Variants in P2RY12 observed in about 807,000 individuals in gnomAD.
P2RY12 encodes P2Y purinoceptor 12.
A neutral mutation model predicts 4.5 loss-of-function variants in P2RY12; 3 were observed. The observed-to-expected ratio is 0.67, with a 90% CI of 0.31 to 1.74. P2RY12 has a LOEUF of 1.74. P2RY12 is among the 40% of genes most tolerant of loss of function. The pLI, the probability that P2RY12 is intolerant of heterozygous loss-of-function variation, is 0.09. For synonymous variants in P2RY12, 148 were observed against 154.1 expected (o/e 0.96, Z 0.29); for missense variants, 356 against 407.8 (o/e 0.87, Z 1.09).
chr3:151,380,651 C>T (rs1272527852), intron 1 of P2RY12, among the ~76,000 whole-genome samples: 1 of 151,294 alleles, frequency 6.6e-6, no homozygotes, highest in Non-Finnish European at 1.5e-5. Context: ...TGAGTAGACG[C>T]TGAGAAACAA....
intron 1 of P2RY12, among the ~76,000 whole-genome samples, chr3:151,366,633 T>C (rs902944066): frequency 7.9e-5 from 12 of 152,216 alleles, no homozygotes; most frequent in African/African-American, 2.9e-4. Context: ...GTCTTTGTCG[T>C]ACACTAGTAT....
intron 1 of P2RY12, chr3:151,382,771 C>T: frequency 6.4e-7 from 1 of 1,559,824 alleles, no homozygotes; most frequent in South Asian, 1.1e-5. Context: ...AGTATTTTCC[C>T]TCCATTAAAC....
chr3:151,337,811 A>G lies in P2RY12; in HGVS notation c.*6T>C, dbSNP rs753204818. On this transcript the variant is annotated 3_prime_UTR_variant, in exon 3 of 3. Coordinates refer to ENST00000302632, the MANE Select transcript of P2RY12 (RefSeq NM_022788.5). ...AGAGATTGAAATATTTCCTTAGTTA[A>G]TTTGTTTACATTGGAGTCTCTTCAT... 3.0e-5 allele frequency: 49 copies of G among 1,612,992 alleles called. No homozygotes were observed. Among genetic ancestry groups the G allele is most frequent in the Non-Finnish European group, 4.0e-5 (47 of 1,179,316 alleles).
intron 1 of P2RY12, chr3:151,376,318 A>G: frequency 1.0e-6 from 1 of 960,330 alleles, no homozygotes; most frequent in African/African-American, 1.7e-5. Context: ...TGTGATTTCA[A>G]TTCTGATTTT....
rs1368809794 is a variant in P2RY12, at chr3:151,338,014, A to G, written c.832T>C (p.Tyr278His). ...FDCTAENTLFYVKESTLWLTS... is the reference protein window; with the variant it reads ...FDCTAENTLFHVKESTLWLTS... ...AACCACAGAGTGCTCTCTTTCACAT[A>G]GAACAGAGTATTTTCAGCAGTGCAG... is the stretch of plus-strand genomic sequence containing the variant. Residue 278 changes from tyrosine (Y) to histidine (H), a missense_variant, in exon 3 of 3, where the codon TAT becomes CAT. Tyr to His is a moderately conservative substitution (Grantham distance 83, BLOSUM62 2). Coordinates refer to ENST00000302632, the MANE Select transcript of P2RY12 (RefSeq NM_022788.5). 1.2e-6 allele frequency: 2 copies of G among 1,614,132 alleles called. No individual in the cohort carries two copies. Among genetic ancestry groups the G allele is most frequent in the East Asian group, 2.2e-5 (1 of 44,878 alleles).
chr3:151,352,951 CTA>C (rs1182773042), intron 1 of P2RY12, among the ~76,000 whole-genome samples: 1 of 152,138 alleles, frequency 6.6e-6, no homozygotes, highest in African/African-American at 2.4e-5. Context: ...TATATATTGA[CTA>C]TAATGTTACT....
chr3:151,360,832 C>T (rs1754516541), intron 1 of P2RY12, among the ~76,000 whole-genome samples: 1 of 151,550 alleles, frequency 6.6e-6, no homozygotes, highest in African/African-American at 2.4e-5. Context: ...GGTTTTTTTT[C>T]CCCCAATATT....
At chr3:151,360,441 A>G (rs1024457941) in intron 1 of P2RY12, 9 of 1,600,976 alleles carry the variant, frequency 5.6e-6, no homozygotes, top group African/African-American at 2.7e-5. Flanking sequence ...GTACAAATCT[A>G]TGTCTTATTT....
intron 1 of P2RY12, chr3:151,372,854 G>C: frequency 1.0e-6 from 1 of 956,776 alleles, no homozygotes; most frequent in Non-Finnish European, 1.6e-6. Flanking sequence ...CTTGTGCATA[G>C]GTGGGCCTTT....
chr3:151,345,661 G>C (rs1752446619), intron 1 of P2RY12, among the ~76,000 whole-genome samples: 1 of 151,522 alleles, frequency 6.6e-6, no homozygotes, highest in South Asian at 2.1e-4. Context: ...GAAATTATAG[G>C]CACCTGCCAC....
intron 1 of P2RY12, among the ~76,000 whole-genome samples, chr3:151,349,441 G>T (rs1386007371): frequency 6.6e-6 from 1 of 152,144 alleles, no homozygotes; most frequent in Non-Finnish European, 1.5e-5. Flanking sequence ...AGTCATGTTG[G>T]AAATAAATGG....
rs147695554 is a variant in P2RY12, at chr3:151,372,688, C to T, written c.-180+12004G>A. ...GGACTGCCTCACAAAATCCAAAATC[C>T]TGTGGGAAAAGCATTTCCATAGAAA... On this transcript the variant is annotated intron_variant, in intron 1 of 2. Transcript: ENST00000302632. 1.3e-3 allele frequency: 2,099 copies of T among 1,613,918 alleles called. 5 individuals are homozygous for T. Among genetic ancestry groups the T allele is most frequent in the Non-Finnish European group, 1.4e-3 (1,594 of 1,179,864 alleles).
intron 1 of P2RY12, chr3:151,350,234 A>T (rs374735811): frequency 1.2e-6 from 2 of 1,606,970 alleles, no homozygotes; most frequent in East Asian, 2.2e-5. Context: ...ATTTGCTCCC[A>T]TTGTGTTGCC....
At chr3:151,368,619 TATTTTATTTTATTTCATTTC>T (rs1248894630) in intron 1 of P2RY12, among the ~76,000 whole-genome samples, 124 of 80,708 alleles carry the variant, frequency 1.5e-3, no homozygotes, top group African/African-American at 4.8e-3. Context: ...TATTTTATTT[TATTTTATTTTATTTCATTTC>T]ATTTCATTTC....
At chr3:151,350,120 A>T (rs1448197201) in intron 1 of P2RY12, 1 of 1,613,724 alleles carries the variant, frequency 6.2e-7, no homozygotes, top group Non-Finnish European at 8.5e-7. Flanking sequence ...GTCGGCAAAG[A>T]GCGTGATGAA....
At position 151,354,021 on chromosome 3, in the gene P2RY12, G is replaced by A. The variant is rs1218163547; in HGVS notation, c.-179-13261C>T. 3.4e-5 allele frequency among the ~76,000 whole-genome samples: 5 copies of A among 146,904 alleles called. No individual in the cohort carries two copies. In the South Asian group the frequency reaches 1.1e-3, roughly 32 times the overall value. On this transcript the variant is annotated intron_variant, in intron 1 of 2. Coordinates refer to ENST00000302632, the MANE Select transcript of P2RY12 (RefSeq NM_022788.5). ...CCGGGCGTAGTGGCGGGCGCCTGTAGTCCCAGCTACTTGGGAGGCTGAGGC... is the reference window on the plus strand; with the variant it reads ...CCGGGCGTAGTGGCGGGCGCCTGTAATCCCAGCTACTTGGGAGGCTGAGGC...
chr3:151,358,221 T>G (rs1754174749), intron 1 of P2RY12, among the ~76,000 whole-genome samples: 1 of 152,158 alleles, frequency 6.6e-6, no homozygotes, highest in South Asian at 2.1e-4. Context: ...TTGTATTAAT[T>G]ACATGTTATG....
chr3:151,372,497 C>T, intron 1 of P2RY12: 3 of 1,106,006 alleles, frequency 2.7e-6, no homozygotes, highest in Non-Finnish European at 4.2e-6. Flanking sequence ...ATGCTATCCT[C>T]ATTTGCTCCT....
chr3:151,380,206 C>G, intron 1 of P2RY12: 1 of 1,603,562 alleles, frequency 6.2e-7, no homozygotes, highest in South Asian at 1.1e-5. Context: ...TAACATCTCT[C>G]CAGAATCAAG....
Sources: gnomAD v4.1 joint callset for allele counts (sites outside exome capture counted in the v4.1 genomes callset) on GRCh38, gnomAD v4.1.1 for gene constraint, MANE v1.5 for transcripts, NCBI Gene and HGNC (gene_info 2026-07-23, HGNC 2026-07-21) for gene names.